MME: variants seen among roughly 807,000 people sequenced by gnomAD.
The protein encoded by MME is membrane metalloendopeptidase.
A neutral mutation model predicts 113.2 loss-of-function variants in MME; 98 were observed. The ratio of observed to expected loss-of-function variants is 0.87; its 90% CI spans 0.74 to 1.02. The LOEUF is 1.02. MME is among the 50% of genes least tolerant of loss of function. MME has a pLI of 0.00. For missense variants in MME, 836 were observed against 896.0 expected (o/e 0.93, Z 0.86); for synonymous variants, 292 against 300.6 (o/e 0.97, Z 0.30).
chr3:155,145,872 CTGA>C (rs1721467402), intron 14 of MME, among the ~76,000 whole-genome samples: 4 of 152,106 alleles, frequency 2.6e-5, no homozygotes, highest in Admixed American at 2.6e-4. Context: ...ATTGTCATGA[CTGA>C]TGGCAAACCT....
At chr3:155,097,378 G>A (rs964632924) in intron 3 of MME, among the ~76,000 whole-genome samples, 2 of 152,132 alleles carry the variant, frequency 1.3e-5, no homozygotes, top group Admixed American at 6.5e-5. Flanking sequence ...TAATCAGAGA[G>A]GTAGAAGGAA....
At position 155,084,329 on chromosome 3, in the gene MME, T is replaced by A. The variant is rs1446583831; in HGVS notation, c.160+2T>A. ...TCGCACTCTATGCAACCTACGATGG[T>A]GAGTTACTCCCACACCTGTGCATCC... On this transcript the variant is annotated splice_donor_variant, in intron 2 of 22. Coordinates refer to ENST00000360490, the MANE Select transcript of MME (RefSeq NM_007289.4). LOFTEE classifies it high-confidence loss of function. 7 of 1,613,958 alleles carry A rather than the reference T, an allele frequency of 4.3e-6. No homozygotes were observed. Among genetic ancestry groups the A allele is most frequent in the African/African-American group, 1.3e-5 (1 of 74,912 alleles).
At chr3:155,077,201 T>C (rs1320885033), upstream of MME, among the ~76,000 whole-genome samples, 1 of 152,214 alleles carries the variant, frequency 6.6e-6, no homozygotes, top group Non-Finnish European at 1.5e-5. Context: ...GCTGGCTCAA[T>C]GGTGCATATA....
At chr3:155,048,168 T>C (rs528804057) in intron 1 of MME, among the ~76,000 whole-genome samples, 1 of 152,262 alleles carries the variant, frequency 6.6e-6, no homozygotes, top group Admixed American at 6.5e-5. Flanking sequence ...GAAACCTGTG[T>C]AGGATCACAT....
chr3:155,160,381 T>C lies in MME; in HGVS notation c.1602-9T>C. ...TATCATTTGTAAAGAGTTCTTATGT[T>C]TTCTACAGGTGGATAAGTGGAGCAG... On this transcript the variant is annotated splice_polypyrimidine_tract_variant and intron_variant, in intron 16 of 22. Coordinates refer to ENST00000360490, the MANE Select transcript of MME (RefSeq NM_007289.4). 1 of 1,599,670 alleles carries C rather than the reference T, an allele frequency of 6.3e-7. No individual in the cohort carries two copies.
At chr3:155,065,887 CT>C (rs556045152) in intron 1 of MME, among the ~76,000 whole-genome samples, 84 of 152,320 alleles carry the variant, frequency 5.5e-4, no homozygotes, top group African/African-American at 1.9e-3. Context: ...GATATATACA[CT>C]GATGTTCCAA....
At chr3:155,149,502 C>T (rs1198874678) in intron 16 of MME, among the ~76,000 whole-genome samples, 19 of 152,076 alleles carry the variant, frequency 1.2e-4, no homozygotes. Context: ...TTGTTTCATT[C>T]ATGCATTCAT....
At chr3:155,031,889 C>T (rs929416684) in intron 1 of MME, among the ~76,000 whole-genome samples, 1 of 152,206 alleles carries the variant, frequency 6.6e-6, no homozygotes, top group African/African-American at 2.4e-5. Flanking sequence ...GAATTCCTGA[C>T]CTCAGATCAT....
intron 2 of MME, 140 bp downstream of exon 2, chr3:155,084,467 A>T (rs1715478171): frequency 1.2e-6 from 1 of 836,636 alleles, no homozygotes; most frequent in African/African-American, 1.7e-5. Context: ...ATAAAATGTA[A>T]CATCAATATG....
chr3:155,121,364 A>G (rs1314068460), intron 8 of MME, among the ~76,000 whole-genome samples: 1 of 150,812 alleles, frequency 6.6e-6, no homozygotes, highest in Non-Finnish European at 1.5e-5. Flanking sequence ...TTCTGCAAAC[A>G]GGGACAATTT....
intron 1 of MME, among the ~76,000 whole-genome samples, chr3:155,049,859 G>C (rs1385806941): frequency 2.0e-5 from 3 of 151,918 alleles, no homozygotes; most frequent in Non-Finnish European, 4.4e-5. Flanking sequence ...AGGTTCAGGG[G>C]TACACTTGCA....
chr3:155,032,519 T>C (rs536010974), intron 1 of MME, among the ~76,000 whole-genome samples: 6 of 152,354 alleles, frequency 3.9e-5, no homozygotes, highest in African/African-American at 1.4e-4. Flanking sequence ...CCATTGACTG[T>C]GAATTAGGTT....
rs765422392 is a variant in MME, at chr3:155,115,104, C to T, written c.307C>T (p.Arg103Cys). 5.3e-5 allele frequency: 85 copies of T among 1,613,880 alleles called. No homozygotes were observed. Among genetic ancestry groups the T allele is most frequent in the Non-Finnish European group, 6.9e-5 (81 of 1,180,000 alleles). Reference sequence around the variant, plus strand: ...TAATGTCATTCCCGAGACCAGCTCCCGTTACGGCAACTTTGACATTTTAAG... The same window carrying T: ...TAATGTCATTCCCGAGACCAGCTCCTGTTACGGCAACTTTGACATTTTAAG... ...KRNVIPETSS[R>C]YGNFDILRDE... Residue 103 changes from arginine (R) to cysteine (C), a missense_variant, in exon 4 of 23, where the codon CGT becomes TGT. Coordinates refer to ENST00000360490, the MANE Select transcript of MME (RefSeq NM_007289.4).
At position 155,147,200 on chromosome 3, in the gene MME, C is replaced by A. The variant is rs762180188; in HGVS notation, c.1473C>A (p.Asn491Lys). Residue 491 changes from asparagine to lysine, a missense_variant, in exon 15 of 23, where the codon AAC becomes AAA. Asn to Lys is a moderately conservative substitution (Grantham distance 94). Transcript: ENST00000360490. The part of the protein sequence containing the change: ...GYPDDIVSND[N>K]KLNNEYLELN... The stretch of plus-strand genomic sequence containing the variant: ...CTGATGACATTGTTTCAAATGATAA[C>A]AAACTGAATAATGAGTACCTCGAGG... 1.9e-6 allele frequency: 3 copies of A among 1,605,160 alleles called. No homozygotes were observed. The highest frequency in any genetic ancestry group is 2.2e-5 in the South Asian group (2 of 90,912).
At position 155,180,784 on chromosome 3, in the gene MME, G is replaced by C. The variant is rs1195880261; in HGVS notation, c.*325G>C. On this transcript the variant is annotated 3_prime_UTR_variant, in exon 23 of 23. Coordinates refer to ENST00000360490, the MANE Select transcript of MME (RefSeq NM_007289.4). ...CCCTAGAAAACAATGCAAAACCTTT[G>C]AGGTAGACCAGGATTTCTAATCAAA... 1 of 296,094 alleles carries C rather than the reference G, an allele frequency of 3.4e-6. No individual in the cohort carries two copies. The allele number at this position is 296,094 out of a possible 1,614,324, so 18.3% of individuals were successfully genotyped here.
chr3:155,077,405 C>T (rs1034870020), upstream of MME, among the ~76,000 whole-genome samples: 3 of 152,068 alleles, frequency 2.0e-5, no homozygotes, highest in African/African-American at 7.2e-5. Flanking sequence ...TGATCTTGGA[C>T]CACCTCAGTA....
At chr3:155,054,135 T>G (rs1713851249) in intron 1 of MME, among the ~76,000 whole-genome samples, 1 of 152,250 alleles carries the variant, frequency 6.6e-6, no homozygotes, top group African/African-American at 2.4e-5. Context: ...GCAGCCCTAG[T>G]ACACTAGTAC....
intron 8 of MME, among the ~76,000 whole-genome samples, chr3:155,119,642 C>A (rs1292446665): frequency 2.0e-5 from 3 of 148,798 alleles, no homozygotes; most frequent in Non-Finnish European, 4.5e-5. Flanking sequence ...TGTTCAATTC[C>A]CACCTATGAG....
chr3:155,125,583 C>A (rs1487681973), intron 8 of MME, among the ~76,000 whole-genome samples: 1 of 151,480 alleles, frequency 6.6e-6, no homozygotes, highest in East Asian at 2.0e-4. Flanking sequence ...GCCTCGGCCT[C>A]CTGAGTACCT....
Sources: gnomAD v4.1 joint callset for allele counts (sites outside exome capture counted in the v4.1 genomes callset) on GRCh38, gnomAD v4.1.1 for gene constraint, MANE v1.5 for transcripts, NCBI Gene and HGNC (gene_info 2026-07-23, HGNC 2026-07-21) for gene names.